The following GABBR2 variants were observed in gnomAD, a reference collection of about 807,000 sequenced individuals.
GABBR2 encodes gamma-aminobutyric acid type B receptor subunit 2.
A neutral mutation model predicts 105.6 loss-of-function variants in GABBR2; 23 were observed. The observed-to-expected ratio is 0.22, with a 90% confidence interval of 0.16 to 0.31. The LOEUF (loss-of-function observed/expected upper bound fraction) is 0.31. GABBR2 is among the 10% of genes least tolerant of loss of function. The pLI is 1.00. For synonymous variants in GABBR2, 478 were observed against 499.7 expected (o/e 0.96, Z 0.58); for missense variants, 734 against 1,245.5 (o/e 0.59, Z 6.18).
At chr9:98,520,332 C>T (rs902354266) in intron 3 of GABBR2, among the ~76,000 whole-genome samples, 1 of 152,174 alleles carries the variant, frequency 6.6e-6, no homozygotes, top group Admixed American at 6.5e-5. Context: ...GGGCTTTCTG[C>T]AGGAGAATGC....
chr9:98,332,265 G>A (rs933664864), intron 13 of GABBR2, among the ~76,000 whole-genome samples: 4 of 152,206 alleles, frequency 2.6e-5, no homozygotes, highest in African/African-American at 4.8e-5. Flanking sequence ...TATCCTGCAC[G>A]TTTGCTCTTG....
rs575172017 is a variant in GABBR2 at position 98,407,445 on chromosome 9, G to A, written c.1237-1304C>T. Among the ~76,000 whole-genome samples the A allele has an allele frequency of 5.1e-4, 77 of 152,256 alleles. 1 individual carries two copies. Among genetic ancestry groups the A allele is most frequent in the African/African-American group, 1.6e-3 (66 of 41,538 alleles). On this transcript the variant is annotated intron_variant, in intron 7 of 18. Coordinates refer to ENST00000259455, the MANE Select transcript of GABBR2 (RefSeq NM_005458.8). ...TATCAGTTTGAAACTAATGCCCACC[G>A]AATTCTATATTCAGGTGACGGTAAG...
chr9:98,662,323 A>G (rs2900547), intron 1 of GABBR2, among the ~76,000 whole-genome samples: 123,750 of 152,092 alleles, frequency 0.81, 50,447 homozygotes, highest in Middle Eastern at 0.91. Context: ...GCACTATCAC[A>G]GGCATTTGAG....
intron 7 of GABBR2, among the ~76,000 whole-genome samples, chr9:98,423,642 G>A (rs1832824011): frequency 6.6e-6 from 1 of 152,178 alleles, no homozygotes; most frequent in Non-Finnish European, 1.5e-5. Context: ...GTCTTTTGTT[G>A]CCATTGCTTT....
intron 1 of GABBR2, among the ~76,000 whole-genome samples, chr9:98,691,502 C>G (rs1830682100): frequency 6.6e-6 from 1 of 152,198 alleles, no homozygotes; most frequent in African/African-American, 2.4e-5. Context: ...TGTTCTCCAG[C>G]CTTGGCCAAT....
At chr9:98,447,090 C>A (rs1040972506) in intron 7 of GABBR2, among the ~76,000 whole-genome samples, 1 of 91,236 alleles carries the variant, frequency 1.1e-5, no homozygotes, top group African/African-American at 4.9e-5. Flanking sequence ...GAGACGGAGT[C>A]TCGCTCTGTC....
chr9:98,656,552 A>G (rs1160666834), intron 1 of GABBR2, among the ~76,000 whole-genome samples: 1 of 152,208 alleles, frequency 6.6e-6, no homozygotes, highest in Non-Finnish European at 1.5e-5. Context: ...CTATAATCTT[A>G]CCAGGTTTAC....
At chr9:98,442,115 T>C (rs1043060970) in intron 7 of GABBR2, among the ~76,000 whole-genome samples, 18 of 152,244 alleles carry the variant, frequency 1.2e-4, no homozygotes, top group African/African-American at 4.1e-4. Flanking sequence ...ATGAATAAGT[T>C]AGAACAGGGC....
At chr9:98,425,295 A>C (rs1832855019) in intron 7 of GABBR2, among the ~76,000 whole-genome samples, 1 of 152,180 alleles carries the variant, frequency 6.6e-6, no homozygotes, top group African/African-American at 2.4e-5. Context: ...ACTGTCACGA[A>C]CTGATGACTG....
rs113097135 is a variant in GABBR2 at position 98,359,046 on chromosome 9, T to G, written c.1893+3669A>C. 2.3e-3 allele frequency among the ~76,000 whole-genome samples: 345 copies of G among 152,296 alleles called. 2 individuals are homozygous for G. Among genetic ancestry groups the G allele is most frequent in the African/African-American group, 7.9e-3 (328 of 41,564 alleles). ...CAAAAATATCTCCTACCTCACAGGA[T>G]TATTATAAAGATTAAATTAAATGAG... On this transcript the variant is annotated intron_variant, in intron 13 of 18. Coordinates refer to ENST00000259455, the MANE Select transcript of GABBR2 (RefSeq NM_005458.8).
intron 7 of GABBR2, among the ~76,000 whole-genome samples, chr9:98,449,419 A>G (rs1430070119): frequency 1.3e-5 from 2 of 152,142 alleles, no homozygotes; most frequent in African/African-American, 4.8e-5. Flanking sequence ...TGTAGGAGCA[A>G]ATCCATTGCT....
At chr9:98,312,964 G>A (rs373541879) in intron 13 of GABBR2, among the ~76,000 whole-genome samples, 67 of 152,256 alleles carry the variant, frequency 4.4e-4, no homozygotes, top group African/African-American at 1.4e-3. Context: ...TGGCCAGGCC[G>A]GTCTTGAGCT....
At chr9:98,583,018 G>A (rs1282989714) in intron 1 of GABBR2, among the ~76,000 whole-genome samples, 2 of 152,050 alleles carry the variant, frequency 1.3e-5, no homozygotes, top group East Asian at 1.9e-4. Context: ...CCGAAGAGAA[G>A]GTTAAAGCTA....
chr9:98,420,536 C>A (rs779562654), intron 7 of GABBR2, among the ~76,000 whole-genome samples: 8 of 152,186 alleles, frequency 5.3e-5, no homozygotes, highest in South Asian at 2.1e-4. Context: ...ACTGGAGATA[C>A]AACAATCCCC....
At chr9:98,578,609 C>T (rs939300945) in intron 1 of GABBR2, among the ~76,000 whole-genome samples, 5 of 152,194 alleles carry the variant, frequency 3.3e-5, no homozygotes, top group Middle Eastern at 6.8e-3. Flanking sequence ...CACCTCTAGA[C>T]GTATACCCAA....
At chr9:98,362,334 A>C (rs1831600212) in intron 13 of GABBR2, among the ~76,000 whole-genome samples, 1 of 152,246 alleles carries the variant, frequency 6.6e-6, no homozygotes, top group Admixed American at 6.5e-5. Flanking sequence ...AAAACAATAT[A>C]GTATCTAGAA....
chr9:98,623,885 G>A (rs1002241557), intron 1 of GABBR2, among the ~76,000 whole-genome samples: 16 of 152,102 alleles, frequency 1.1e-4, no homozygotes, highest in African/African-American at 3.6e-4. Flanking sequence ...CATCTCTGGG[G>A]GCCATTTTTC....
chr9:98,660,472 AC>A (rs1344924098), intron 1 of GABBR2, among the ~76,000 whole-genome samples: 23 of 152,240 alleles, frequency 1.5e-4, no homozygotes, highest in Admixed American at 1.5e-3. Flanking sequence ...CATATTTGTG[AC>A]TAAGTTCCAC....
chr9:98,471,968 A>C (rs927559333), intron 6 of GABBR2, among the ~76,000 whole-genome samples: 5 of 152,230 alleles, frequency 3.3e-5, no homozygotes, highest in African/African-American at 1.2e-4. Context: ...AGTACGAGCT[A>C]AAGAGCTGTT....
Sources: allele counts gnomAD v4.1 joint callset (sites outside exome capture counted in the v4.1 genomes callset), GRCh38; gene constraint gnomAD v4.1.1; transcripts MANE v1.5; gene names NCBI Gene and HGNC (gene_info 2026-07-23, HGNC 2026-07-21).